The following TRIP12 variants were observed in gnomAD, a reference collection of about 807,000 sequenced individuals.
The protein encoded by TRIP12 is E3 ubiquitin-protein ligase TRIP12.
A neutral mutation model predicts 244.2 loss-of-function variants in TRIP12; 25 were observed. The observed-to-expected ratio is 0.10, with a 90% CI of 0.07 to 0.14. The LOEUF is 0.14. Ranked by LOEUF, TRIP12 falls within the 10% of genes least tolerant of loss-of-function variation. The pLI, the probability that TRIP12 is intolerant of heterozygous loss-of-function variation, is 1.00. For missense variants in TRIP12, 1,677 were observed against 2,486.4 expected (o/e 0.67, Z 6.92); for synonymous variants, 905 against 873.1 (o/e 1.04, Z -0.64).
chr2:229,793,549 CTT>C (rs764448218), intron 26 of TRIP12, among the ~76,000 whole-genome samples: 115 of 152,126 alleles, frequency 7.6e-4, no homozygotes, highest in Non-Finnish European at 1.5e-3. Context: ...AAAAAAAACT[CTT>C]TATTTCAAAG....
At chr2:229,784,080 A>C (rs1179057535) in intron 34 of TRIP12, among the ~76,000 whole-genome samples, 11 of 150,592 alleles carry the variant, frequency 7.3e-5, no homozygotes, top group African/African-American at 2.7e-4. Context: ...ATTGCACTCC[A>C]GCCTGGGCAA....
intron 6 of TRIP12, among the ~76,000 whole-genome samples, chr2:229,835,200 T>C (rs2054492900): frequency 6.6e-6 from 1 of 152,330 alleles, no homozygotes; most frequent in African/African-American, 2.4e-5. Context: ...GAAGTCAGTT[T>C]TCTAATACAA....
intron 17 of TRIP12, among the ~76,000 whole-genome samples, chr2:229,807,136 G>A (rs2046085419): frequency 6.6e-6 from 1 of 152,104 alleles, no homozygotes; most frequent in Admixed American, 6.6e-5. Context: ...TTATTCATAT[G>A]TTCACTTATT....
At chr2:229,867,280 C>T (rs1231749183) in intron 2 of TRIP12, among the ~76,000 whole-genome samples, 1 of 151,730 alleles carries the variant, frequency 6.6e-6, no homozygotes, top group Non-Finnish European at 1.5e-5. Context: ...ATTCTCCTGC[C>T]TCAGCCACCT....
chr2:229,850,998 C>T (rs1024315645), intron 4 of TRIP12, among the ~76,000 whole-genome samples: 11 of 152,340 alleles, frequency 7.2e-5, no homozygotes, highest in Admixed American at 4.6e-4. Context: ...TGAGCCTTCC[C>T]CCACCTCCGT....
chr2:229,890,053 A>C (rs1323264892), intron 1 of TRIP12, among the ~76,000 whole-genome samples: 1 of 151,464 alleles, frequency 6.6e-6, no homozygotes, highest in East Asian at 1.9e-4. Flanking sequence ...GAACTCCACC[A>C]TAATAATGAC....
chr2:229,898,887 G>A (rs935161287), intron 1 of TRIP12, among the ~76,000 whole-genome samples: 1 of 152,112 alleles, frequency 6.6e-6, no homozygotes. Flanking sequence ...AGAGACAGAG[G>A]TTGGGAGGTG....
chr2:229,909,976 T>C (rs2073950324), intron 1 of TRIP12, among the ~76,000 whole-genome samples: 1 of 152,256 alleles, frequency 6.6e-6, no homozygotes. Flanking sequence ...TTGAGAGTAT[T>C]GCTACATGCA....
At chr2:229,826,049 T>G (rs2051481948) in intron 8 of TRIP12, among the ~76,000 whole-genome samples, 1 of 152,232 alleles carries the variant, frequency 6.6e-6, no homozygotes, top group Non-Finnish European at 1.5e-5. Flanking sequence ...ATTACTCCTT[T>G]TATTAACCAG....
chr2:229,815,492 C>A lies in TRIP12; in HGVS notation c.1600-184G>T, dbSNP rs79877100. Among the ~76,000 whole-genome samples the A allele has an allele frequency of 0.027, 4,029 of 151,662 alleles. 93 individuals carry two copies. The highest frequency in any genetic ancestry group is 0.04 in the Admixed American group (609 of 15,268). ...AGAAATGATTACACTCAGGATGGTTCATCACACACGGTGACTCCGACTTGA... is the reference window on the plus strand; with the variant it reads ...AGAAATGATTACACTCAGGATGGTTAATCACACACGGTGACTCCGACTTGA... On this transcript the variant is annotated intron_variant, in intron 9 of 41. Coordinates refer to ENST00000675903, the MANE Select transcript of TRIP12 (RefSeq NM_001348323.3).
At chr2:229,832,987 AAAAC>A (rs1454010638) in intron 6 of TRIP12, among the ~76,000 whole-genome samples, 1 of 152,230 alleles carries the variant, frequency 6.6e-6, no homozygotes, top group African/African-American at 2.4e-5. Context: ...CATACATTAA[AAAAC>A]AAACACACAG....
At chr2:229,862,277 TTGC>T (rs2154338403) in intron 2 of TRIP12, among the ~76,000 whole-genome samples, 1 of 152,340 alleles carries the variant, frequency 6.6e-6, no homozygotes, top group Non-Finnish European at 1.5e-5. Flanking sequence ...TTTCTAAGAG[TTGC>T]TTTTGTTTTT....
intron 2 of TRIP12, 152 bp downstream of exon 2, chr2:229,879,830 G>T: frequency 1.3e-6 from 1 of 784,246 alleles, no homozygotes; most frequent in Non-Finnish European, 2.1e-6. Flanking sequence ...GAACTGCTTT[G>T]GATTCCAGTT....
At chr2:229,816,302 TACAC>T (rs1436620886) in intron 9 of TRIP12, among the ~76,000 whole-genome samples, 1 of 146,436 alleles carries the variant, frequency 6.8e-6, no homozygotes, top group Non-Finnish European at 1.5e-5. Context: ...GCATAACACA[TACAC>T]ACACTCCATT....
intron 1 of TRIP12, among the ~76,000 whole-genome samples, chr2:229,898,134 T>C (rs998554654): frequency 9.9e-5 from 15 of 152,250 alleles, no homozygotes; most frequent in Non-Finnish European, 4.4e-5. Context: ...CTGGTTTCCC[T>C]AAGGCCCAGC....
At chr2:229,824,130 T>C (rs377649157) in intron 8 of TRIP12, among the ~76,000 whole-genome samples, 16 of 152,222 alleles carry the variant, frequency 1.1e-4, no homozygotes, top group East Asian at 9.6e-4. Context: ...GTTAATAAAC[T>C]GTTGTAAGGT....
At chr2:229,800,854 G>A (rs768915789) in intron 21 of TRIP12, among the ~76,000 whole-genome samples, 1 of 151,452 alleles carries the variant, frequency 6.6e-6, no homozygotes, top group Non-Finnish European at 1.5e-5. Flanking sequence ...ACTTGAGCCC[G>A]GGAGTTCGAG....
intron 8 of TRIP12, among the ~76,000 whole-genome samples, chr2:229,819,419 C>T (rs1162776666): frequency 6.6e-6 from 1 of 152,140 alleles, no homozygotes; most frequent in Non-Finnish European, 1.5e-5. Flanking sequence ...GTGGTGTGCA[C>T]CTGTAGTCCC....
At position 229,778,742 on chromosome 2, in the gene TRIP12, G is replaced by A; in HGVS notation, c.5209+134C>T. 1 of 1,331,298 alleles carries A rather than the reference G, an allele frequency of 7.5e-7. No individual in the cohort carries two copies. The highest frequency in any genetic ancestry group is 1.0e-6 in the Non-Finnish European group (1 of 962,428). The allele number at this position is 1,331,298 out of a possible 1,614,324, so 82.5% of individuals were successfully genotyped here. A position where few individuals can be genotyped will look rare whatever the true frequency, so the allele number is the denominator to read the frequency against. On this transcript the variant is annotated intron_variant, in intron 35 of 41. Transcript: ENST00000675903. The surrounding 1 kb of genome is among the most constrained non-coding windows in gnomAD (Gnocchi z 4.1). ...AGAACTGGACAGGCCTTCCCTATTTGATAAATGAGAAAACAGAGGCTAAAA... is the reference window on the plus strand; with the variant it reads ...AGAACTGGACAGGCCTTCCCTATTTAATAAATGAGAAAACAGAGGCTAAAA...
Sources: allele counts gnomAD v4.1 joint callset (sites outside exome capture counted in the v4.1 genomes callset), GRCh38; gene constraint gnomAD v4.1.1; non-coding constraint Gnocchi (gnomAD v3.1); transcripts MANE v1.5; gene names NCBI Gene and HGNC (gene_info 2026-07-23, HGNC 2026-07-21).